PTPRG: variants seen among roughly 807,000 people sequenced by gnomAD.
The protein encoded by PTPRG is protein tyrosine phosphatase receptor type G.
PTPRG carries 102 observed loss-of-function variants against 165.3 expected under a neutral mutation model. The observed-to-expected ratio is 0.62, with a 90% CI of 0.53 to 0.73. The LOEUF is 0.73. Ranked by LOEUF, PTPRG falls within the 30% of genes least tolerant of loss-of-function variation. The pLI, the probability that PTPRG is intolerant of heterozygous loss-of-function variation, is 0.00. For missense variants in PTPRG, 1,866 were observed against 1,861.4 expected, an observed-to-expected ratio of 1.00 and a Z score of -0.05; for synonymous variants, 675 against 669.5, an observed-to-expected ratio of 1.01 and a Z score of -0.13.
chr3:61,749,057 G>A (rs766438033), intron 2 of PTPRG, 75 bp downstream of exon 2: 1 of 1,191,568 alleles, frequency 8.4e-7, no homozygotes, highest in Non-Finnish European at 1.2e-6. Context: ...AGCACACTTT[G>A]AATCACTTTT....
At chr3:61,688,838 T>C (rs767255158) in intron 1 of PTPRG, among the ~76,000 whole-genome samples, 1 of 152,210 alleles carries the variant, frequency 6.6e-6, no homozygotes, top group Non-Finnish European at 1.5e-5. Flanking sequence ...GCCTTGTCAG[T>C]AGAAGAAGCT....
intron 5 of PTPRG, among the ~76,000 whole-genome samples, chr3:62,129,098 G>A (rs1703420073): frequency 6.6e-6 from 1 of 152,174 alleles, no homozygotes; most frequent in South Asian, 2.1e-4. Context: ...GATGGGAGCT[G>A]AATGGATGTT....
chr3:62,021,623 T>C (rs1559751272), intron 4 of PTPRG, among the ~76,000 whole-genome samples: 1 of 152,202 alleles, frequency 6.6e-6, no homozygotes, highest in Non-Finnish European at 1.5e-5. Flanking sequence ...AAGTTCTTTG[T>C]GTTACAGTGC....
Position 62,267,704 on chromosome 3 carries a change from C to T in PTPRG, c.2759C>T (p.Ala920Val). 2 of 1,613,172 alleles carry T rather than the reference C, an allele frequency of 1.2e-6. No homozygotes were observed. Among genetic ancestry groups the T allele is most frequent in the Non-Finnish European group, 1.7e-6 (2 of 1,179,470 alleles). The change falls in exon 19 of 30, where the codon GCC (alanine) becomes GTC (valine). Residue 920 changes from alanine (A) to valine (V), a missense_variant. Physicochemically the swap from Ala to Val is moderately conservative, Grantham distance 64. Transcript: ENST00000474889. ...NYVDGYNKAK[A>V]YIATQGPLKS... ...TTGAAGGGTTACAACAAAGCAAAAG[C>T]CTACATTGCCACCCAAGGACCTTTG...
chr3:61,764,942 A>G (rs2033966916), intron 2 of PTPRG, among the ~76,000 whole-genome samples: 1 of 152,212 alleles, frequency 6.6e-6, no homozygotes. Context: ...GCTGTTGAAC[A>G]TCCTACAATG....
At chr3:62,001,155 T>G (rs2041163951) in intron 3 of PTPRG, among the ~76,000 whole-genome samples, 1 of 152,226 alleles carries the variant, frequency 6.6e-6, no homozygotes, top group South Asian at 2.1e-4. Flanking sequence ...GGGGAAGTTC[T>G]CTCATTCCAG....
intron 5 of PTPRG, among the ~76,000 whole-genome samples, chr3:62,117,738 A>G (rs1473319594): frequency 6.6e-6 from 1 of 152,146 alleles, no homozygotes; most frequent in Non-Finnish European, 1.5e-5. Context: ...CAATTACACA[A>G]TTCACAGGGT....
chr3:62,016,854 C>T (rs1417263982), intron 4 of PTPRG, among the ~76,000 whole-genome samples: 1 of 152,162 alleles, frequency 6.6e-6, no homozygotes, highest in Non-Finnish European at 1.5e-5. Context: ...TGTTCTTCTC[C>T]CTGATTATCC....
At chr3:62,236,283 T>G (rs1208555751) in intron 14 of PTPRG, among the ~76,000 whole-genome samples, 1 of 152,240 alleles carries the variant, frequency 6.6e-6, no homozygotes, top group East Asian at 1.9e-4. Context: ...TTTATTGTTG[T>G]ATTTGTCACT....
intron 4 of PTPRG, 147 bp from the exon 5 acceptor site, chr3:62,078,016 A>T: frequency 3.5e-6 from 2 of 565,632 alleles, no homozygotes; most frequent in East Asian, 3.4e-5. Flanking sequence ...AAAAAAAAAA[A>T]GTTAGCAAAG....
At chr3:62,099,499 A>G (rs531704411) in intron 5 of PTPRG, among the ~76,000 whole-genome samples, 20 of 152,344 alleles carry the variant, frequency 1.3e-4, no homozygotes, top group African/African-American at 4.6e-4. Context: ...TAAATAAATT[A>G]GGTCCATCCT....
chr3:62,283,746 A>G (rs762105523), intron 28 of PTPRG, among the ~76,000 whole-genome samples: 1 of 152,048 alleles, frequency 6.6e-6, no homozygotes, highest in Non-Finnish European at 1.5e-5. Flanking sequence ...TCCTGGCACT[A>G]ATGCTGTATC....
chr3:61,716,080 A>C (rs902462051), intron 1 of PTPRG, among the ~76,000 whole-genome samples: 5 of 152,128 alleles, frequency 3.3e-5, no homozygotes, highest in Non-Finnish European at 7.4e-5. Flanking sequence ...AAGCTTCAGA[A>C]ATGGCTCTAA....
chr3:62,134,755 C>T (rs776338361), intron 6 of PTPRG, among the ~76,000 whole-genome samples: 8 of 152,146 alleles, frequency 5.3e-5, no homozygotes, highest in South Asian at 2.1e-4. Context: ...TGATGTGGCA[C>T]GCTGTGTCCA....
intron 2 of PTPRG, among the ~76,000 whole-genome samples, chr3:61,877,633 A>G (rs189360667): frequency 1.6e-3 from 237 of 152,362 alleles, no homozygotes; most frequent in African/African-American, 5.2e-3. Context: ...TTACTTGCAC[A>G]TCGGAAACAT....
intron 1 of PTPRG, among the ~76,000 whole-genome samples, chr3:61,587,521 A>G (rs1050356839): frequency 6.6e-6 from 1 of 152,198 alleles, no homozygotes. Context: ...TAAGTATAAT[A>G]CAGTCATCAA....
chr3:61,562,495 C>T, intron 1 of PTPRG, 123 bp downstream of exon 1: 2 of 801,658 alleles, frequency 2.5e-6, no homozygotes, highest in South Asian at 1.5e-5. Context: ...GAGGGTGGCC[C>T]GGCGCCCGGA....
chr3:61,656,295 C>T (rs1702508315), intron 1 of PTPRG, among the ~76,000 whole-genome samples: 1 of 152,036 alleles, frequency 6.6e-6, no homozygotes, highest in Admixed American at 6.5e-5. Flanking sequence ...GTGTGAGCAT[C>T]CCTCATTTGA....
chr3:61,995,551 TC>T (rs2041012340), intron 3 of PTPRG, among the ~76,000 whole-genome samples: 1 of 151,930 alleles, frequency 6.6e-6, no homozygotes, highest in African/African-American at 2.4e-5. Context: ...TTAGGAAGTT[TC>T]TAGGAAAAGT....
Sources: allele counts gnomAD v4.1 joint callset (sites outside exome capture counted in the v4.1 genomes callset), GRCh38; gene constraint gnomAD v4.1.1; transcripts MANE v1.5; gene names NCBI Gene and HGNC (gene_info 2026-07-23, HGNC 2026-07-21).